The following CCDC150 variants were observed in gnomAD, a reference collection of about 807,000 sequenced individuals.
CCDC150 encodes the protein coiled-coil domain containing 150, also known as coiled-coil domain-containing protein 150.
CCDC150 carries 151 observed loss-of-function variants against 156.5 expected under a neutral mutation model. The ratio of observed to expected loss-of-function variants is 0.97; its 90% CI spans 0.85 to 1.10. The LOEUF (loss-of-function observed/expected upper bound fraction) is 1.10. Ranked by LOEUF, CCDC150 falls within the 50% of genes least tolerant of loss-of-function variation. The pLI, the probability that CCDC150 is intolerant of heterozygous loss-of-function variation, is 0.00. For missense variants in CCDC150, 1,312 were observed against 1,268.1 expected (o/e 1.03, Z -0.53); for synonymous variants, 452 against 429.4 (o/e 1.05, Z -0.65).
At chr2:196,726,127 T>C in intron 22 of CCDC150, 28 bp downstream of exon 22, 1 of 1,609,774 alleles carries the variant, frequency 6.2e-7, no homozygotes, top group Non-Finnish European at 8.5e-7. Flanking sequence ...GTTTCTCTTT[T>C]GGTGAATGCC....
intron 15 of CCDC150, among the ~76,000 whole-genome samples, chr2:196,711,426 T>G (rs1697105350): frequency 6.6e-6 from 1 of 152,150 alleles, no homozygotes; most frequent in South Asian, 2.1e-4. Context: ...AAATAAAATT[T>G]TGGATGAAAA....
intron 15 of CCDC150, 99 bp from the exon 16 acceptor site, chr2:196,712,046 C>G: frequency 5.5e-6 from 2 of 366,576 alleles, no homozygotes; most frequent in African/African-American, 2.2e-5. Flanking sequence ...CAACTCATGA[C>G]CCTTTTTCCC....
intron 8 of CCDC150, among the ~76,000 whole-genome samples, chr2:196,670,547 A>G (rs1285238028): frequency 6.7e-6 from 1 of 149,618 alleles, no homozygotes; most frequent in African/African-American, 2.5e-5. Flanking sequence ...AAAGAAAACT[A>G]GCTTTTTTTT....
chr2:196,721,677 T>C lies in CCDC150; in HGVS notation c.2415T>C (p.Asn805=), dbSNP rs1369951592. 4.4e-6 allele frequency: 7 copies of C among 1,596,648 alleles called. No individual in the cohort carries two copies. The highest frequency in any genetic ancestry group is 1.3e-5 in the African/African-American group (1 of 74,604). ...QLESKELERQ[N]LETFKDRMTE... is the part of the protein sequence containing the mutation. ...AAAGCAAAGAACTTGAGCGACAGAA[T>C]TTGGAAACCTTCAAGTAAGAGCATT... Residue 805 remains asparagine (N), a synonymous_variant, in exon 21 of 28, where the codon AAT becomes AAC. Coordinates refer to ENST00000389175, the MANE Select transcript of CCDC150 (RefSeq NM_001080539.2).
At chr2:196,642,255 C>G in intron 1 of CCDC150, among the ~76,000 whole-genome samples, 1 of 152,162 alleles carries the variant, frequency 6.6e-6, no homozygotes, top group African/African-American at 2.4e-5. Flanking sequence ...AGAATGTCAG[C>G]CATTAGAGGT....
chr2:196,689,957 G>T (rs540918569), intron 13 of CCDC150, among the ~76,000 whole-genome samples: 8 of 152,040 alleles, frequency 5.3e-5, no homozygotes, highest in Admixed American at 6.6e-5. Flanking sequence ...TAGCATGAAG[G>T]GTTGTTGAAT....
At chr2:196,689,328 C>G (rs1349951322) in intron 13 of CCDC150, among the ~76,000 whole-genome samples, 3 of 152,018 alleles carry the variant, frequency 2.0e-5, no homozygotes, top group Non-Finnish European at 4.4e-5. Flanking sequence ...CTGTAAATTA[C>G]CTTGGGCAGT....
chr2:196,684,202 C>T (rs1020127829), intron 13 of CCDC150, among the ~76,000 whole-genome samples: 2 of 152,040 alleles, frequency 1.3e-5, no homozygotes, highest in Non-Finnish European at 2.9e-5. Flanking sequence ...ATAAATTTCC[C>T]TCTCTGCACT....
chr2:196,724,764 T>A (rs993488891), intron 21 of CCDC150, among the ~76,000 whole-genome samples: 2 of 152,244 alleles, frequency 1.3e-5, no homozygotes, highest in African/African-American at 2.4e-5. Context: ...AATACAGCAC[T>A]GTAAAAATGA....
chr2:196,668,294 C>CT (rs1693975281), intron 7 of CCDC150, among the ~76,000 whole-genome samples: 1 of 26,444 alleles, frequency 3.8e-5, no homozygotes, highest in South Asian at 2.2e-3. Context: ...AAAACTCCAT[C>CT]TAAAAAAAAA....
chr2:196,722,240 G>A (rs1425454521), intron 21 of CCDC150, among the ~76,000 whole-genome samples: 1 of 152,070 alleles, frequency 6.6e-6, no homozygotes, highest in African/African-American at 2.4e-5. Context: ...TTATACTTAA[G>A]GGAAATGCAG....
chr2:196,708,498 C>G lies in CCDC150; in HGVS notation c.1696-3647C>G, dbSNP rs1049916612. On this transcript the variant is annotated intron_variant, in intron 15 of 27. Transcript: ENST00000389175. ...GTGTCTTTTAATTGGGGCATTTAGT[C>G]CATTTACATTTAAGGTTAATATTTT... 6.4e-4 allele frequency among the ~76,000 whole-genome samples: 98 copies of G among 152,156 alleles called. 1 individual carries two copies. Among genetic ancestry groups the G allele is most frequent in the Non-Finnish European group, 1.8e-4 (12 of 68,032 alleles).
Position 196,656,728 on chromosome 2 carries a change from A to T in CCDC150, c.272A>T (p.Asp91Val). The T allele has an allele frequency of 6.2e-7, 1 of 1,613,778 alleles. No homozygotes were observed. Among genetic ancestry groups the T allele is most frequent in the Non-Finnish European group, 8.5e-7 (1 of 1,179,718 alleles). The change falls in exon 3 of 28, where the codon GAT becomes GTT. Residue 91 changes from aspartate to valine, a missense_variant. Asp to Val is a radical substitution (Grantham distance 152). Transcript: ENST00000389175. ...GAAGCAATTTGTGCAGGAAAAACAGATATTTTATGGAAGAACTGTGAGTTT... is the reference window on the plus strand; with the variant it reads ...GAAGCAATTTGTGCAGGAAAAACAGTTATTTTATGGAAGAACTGTGAGTTT... ...QNEAICAGKT[D>V]ILWKNCEFLV...
At chr2:196,670,521 T>A (rs991467486) in intron 8 of CCDC150, among the ~76,000 whole-genome samples, 1 of 151,764 alleles carries the variant, frequency 6.6e-6, no homozygotes, top group East Asian at 1.9e-4. Flanking sequence ...CACATCTGTA[T>A]CACTTCTCTC....
chr2:196,655,078 C>A (rs1693110257), intron 2 of CCDC150, among the ~76,000 whole-genome samples: 1 of 152,200 alleles, frequency 6.6e-6, no homozygotes, highest in African/African-American at 2.4e-5. Context: ...TCCTTCTATC[C>A]TCAGGGTGAA....
At chr2:196,646,672 G>A (rs1189159177) in intron 2 of CCDC150, among the ~76,000 whole-genome samples, 168 bp downstream of exon 2, 2 of 152,180 alleles carry the variant, frequency 1.3e-5, no homozygotes, top group Non-Finnish European at 2.9e-5. Context: ...GTCGTTCTGT[G>A]ATAGAGCTAG....
intron 15 of CCDC150, among the ~76,000 whole-genome samples, chr2:196,711,174 C>T (rs1462437033): frequency 4.6e-5 from 7 of 152,142 alleles, no homozygotes; most frequent in African/African-American, 1.7e-4. Context: ...AGGGCACAGC[C>T]TGATGAACTT....
intron 21 of CCDC150, among the ~76,000 whole-genome samples, chr2:196,725,405 T>G (rs1698156259): frequency 6.6e-6 from 1 of 152,208 alleles, no homozygotes; most frequent in South Asian, 2.1e-4. Context: ...TTTCAGGCAA[T>G]TCCAGCATCC....
At chr2:196,650,760 A>G (rs1251155208) in intron 2 of CCDC150, among the ~76,000 whole-genome samples, 70 of 152,068 alleles carry the variant, frequency 4.6e-4, no homozygotes, top group Admixed American at 4.5e-3. Flanking sequence ...CTTTTCTTTT[A>G]GTGTGTTTGT....
Sources: gnomAD v4.1 joint callset for allele counts (sites outside exome capture counted in the v4.1 genomes callset) on GRCh38, gnomAD v4.1.1 for gene constraint, MANE v1.5 for transcripts, NCBI Gene and HGNC (gene_info 2026-07-23, HGNC 2026-07-21) for gene names.